Variants in ARFIP1 observed in about 807,000 individuals in gnomAD.
ARFIP1 encodes the protein ARF interacting protein 1.
In ARFIP1, 24 loss-of-function variants were observed where a neutral mutation model predicts 42.5. The observed-to-expected ratio is 0.57, with a 90% CI of 0.41 to 0.80. ARFIP1 has a LOEUF of 0.80. Ranked by LOEUF, ARFIP1 falls within the 30% of genes least tolerant of loss-of-function variation. The pLI is 0.00. For synonymous variants in ARFIP1, 141 were observed against 153.7 expected (o/e 0.92, Z 0.61); for missense variants, 354 against 434.0 (o/e 0.82, Z 1.64).
At chr4:152,907,333 CATA>C (rs1296000668) in intron 8 of ARFIP1, among the ~76,000 whole-genome samples, 2 of 140,416 alleles carry the variant, frequency 1.4e-5, no homozygotes, top group Non-Finnish European at 3.0e-5. Flanking sequence ...CTTCAGCTCT[CATA>C]ATCTTTTTCT....
intron 2 of ARFIP1, among the ~76,000 whole-genome samples, chr4:152,853,357 C>G (rs763758879): frequency 3.3e-5 from 5 of 152,164 alleles, no homozygotes; most frequent in Non-Finnish European, 7.3e-5. Flanking sequence ...TAGTGCCTGT[C>G]TACTGGTGAT....
rs773854970 is a variant in ARFIP1 at position 152,872,484 on chromosome 4, G to A, written c.331G>A (p.Val111Ile). 4 of 1,611,636 alleles carry A rather than the reference G, an allele frequency of 2.5e-6. No homozygotes were observed. The highest frequency in any genetic ancestry group is 3.4e-6 in the Non-Finnish European group (4 of 1,178,960). Residue 111 changes from valine (V) to isoleucine (I), a missense_variant, in exon 5 of 9, where the codon GTT becomes ATT. Physicochemically the swap from Val to Ile is conservative, Grantham distance 29. Coordinates refer to ENST00000353617, the MANE Select transcript of ARFIP1 (RefSeq NM_001025595.3). ...GQRTQTKSGP[V>I]ILADEIKNPA... ...GAGAACACAGACAAAAAGTGGACCA[G>A]TTATTCTAGCAGATGAAATTAAAAA...
intron 3 of ARFIP1, among the ~76,000 whole-genome samples, chr4:152,867,634 G>T (rs952408278): frequency 2.0e-5 from 3 of 152,078 alleles, no homozygotes; most frequent in Non-Finnish European, 4.4e-5. Flanking sequence ...TCCCCTTAAA[G>T]TTATTGTATA....
Position 152,781,367 on chromosome 4 carries a change from C to T in ARFIP1, c.-10+1141C>T, listed in dbSNP as rs1051155910. 4.6e-5 allele frequency among the ~76,000 whole-genome samples: 7 copies of T among 151,444 alleles called. No homozygotes were observed. In the South Asian group the frequency reaches 1.5e-3, roughly 32 times the overall value. On this transcript the variant is annotated intron_variant, in intron 1 of 8. Transcript: ENST00000353617. ...TCTCCTGTCTCAGCCTTCTGAGTAG[C>T]TGGGTTTACAGGTAGGCGCCACTAC...
chr4:152,887,423 CAT>C (rs1736355072), intron 7 of ARFIP1, among the ~76,000 whole-genome samples: 2 of 151,940 alleles, frequency 1.3e-5, no homozygotes, highest in Admixed American at 6.6e-5. Flanking sequence ...AGTAGCCACA[CAT>C]GTCTGGTGAG....
chr4:152,882,820 C>G lies in ARFIP1; in HGVS notation c.731C>G (p.Thr244Ser). 2.5e-6 allele frequency: 4 copies of G among 1,611,636 alleles called. No homozygotes were observed. The highest frequency in any genetic ancestry group is 3.4e-6 in the Non-Finnish European group (4 of 1,179,042). ...AINFFIASVN[T>S]LVNKTIEDTL... is the part of the protein sequence containing the mutation. ...AATTTTTTCATTGCTAGTGTGAACACTTTGGTGAATAAAACCATTGAAGAT... is the reference window on the plus strand; with the variant it reads ...AATTTTTTCATTGCTAGTGTGAACAGTTTGGTGAATAAAACCATTGAAGAT... The change falls in exon 7 of 9, where the codon ACT (threonine) becomes AGT (serine). Residue 244 changes from threonine (T) to serine (S), a missense_variant. Physicochemically the swap from Thr to Ser is moderately conservative, Grantham distance 58 (BLOSUM62 1). Coordinates refer to ENST00000353617, the MANE Select transcript of ARFIP1 (RefSeq NM_001025595.3).
At chr4:152,785,873 GTCAGTA>G (rs1284909570) in intron 1 of ARFIP1, among the ~76,000 whole-genome samples, 2 of 152,220 alleles carry the variant, frequency 1.3e-5, no homozygotes, top group African/African-American at 4.8e-5. Flanking sequence ...ACATTTCAGT[GTCAGTA>G]TCATATGTGG....
At chr4:152,829,338 A>T (rs185777091) in intron 1 of ARFIP1, among the ~76,000 whole-genome samples, 2 of 152,110 alleles carry the variant, frequency 1.3e-5, no homozygotes, top group Non-Finnish European at 2.9e-5. Context: ...TTTTTTTCCA[A>T]TTGTAAGTGG....
intron 2 of ARFIP1, among the ~76,000 whole-genome samples, chr4:152,840,713 CTTT>C (rs764318893): frequency 3.2e-3 from 350 of 107,770 alleles, no homozygotes; most frequent in Non-Finnish European, 5.2e-3. Flanking sequence ...GGCTCTGTAT[CTTT>C]TTTTTTTTTT....
At chr4:152,883,744 A>C (rs1473637951) in intron 7 of ARFIP1, among the ~76,000 whole-genome samples, 1 of 151,482 alleles carries the variant, frequency 6.6e-6, no homozygotes, top group Non-Finnish European at 1.5e-5. Context: ...GCAGACCTAT[A>C]ATAGCCTTTT....
intron 8 of ARFIP1, among the ~76,000 whole-genome samples, chr4:152,889,642 GCAC>G (rs1300584016): frequency 2.5e-5 from 3 of 120,510 alleles, no homozygotes; most frequent in East Asian, 2.3e-4. Context: ...GTATATATAT[GCAC>G]TATATATAGT....
intron 1 of ARFIP1, among the ~76,000 whole-genome samples, chr4:152,790,260 G>A (rs933851595): frequency 6.6e-6 from 1 of 152,116 alleles, no homozygotes; most frequent in Non-Finnish European, 1.5e-5. Context: ...ATTATCCATT[G>A]CTAAGGGACA....
At chr4:152,850,973 TAAAC>T (rs758508230) in intron 2 of ARFIP1, among the ~76,000 whole-genome samples, 12 of 152,338 alleles carry the variant, frequency 7.9e-5, no homozygotes, top group Non-Finnish European at 1.5e-4. Context: ...AGCTAACTGT[TAAAC>T]TAACAAAGGA....
At chr4:152,780,992 C>A (rs1730453556) in intron 1 of ARFIP1, among the ~76,000 whole-genome samples, 1 of 152,104 alleles carries the variant, frequency 6.6e-6, no homozygotes. Context: ...GGATTTCTGT[C>A]CCCCGCCCCT....
intron 1 of ARFIP1, among the ~76,000 whole-genome samples, chr4:152,786,191 T>C (rs1578794117): frequency 1.3e-5 from 2 of 152,334 alleles, no homozygotes; most frequent in East Asian, 3.9e-4. Flanking sequence ...AGGATAAAGA[T>C]GTCAGCTTCA....
intron 8 of ARFIP1, among the ~76,000 whole-genome samples, chr4:152,908,437 C>G (rs1452670687): frequency 6.6e-6 from 1 of 152,056 alleles, no homozygotes; most frequent in Non-Finnish European, 1.5e-5. Flanking sequence ...TGGTGAAACC[C>G]CGTCTCTACT....
chr4:152,869,571 T>G (rs574925613), intron 3 of ARFIP1, among the ~76,000 whole-genome samples: 91 of 151,792 alleles, frequency 6.0e-4, no homozygotes, highest in African/African-American at 2.1e-3. Context: ...TACCTCAACC[T>G]CTGAGTAGCT....
chr4:152,883,543 T>G (rs1736019304), intron 7 of ARFIP1, among the ~76,000 whole-genome samples: 1 of 152,048 alleles, frequency 6.6e-6, no homozygotes, highest in Admixed American at 6.6e-5. Context: ...ATTAAATATT[T>G]GACTTGTATT....
At chr4:152,796,851 C>A in intron 1 of ARFIP1, 1 of 524,114 alleles carries the variant, frequency 1.9e-6, no homozygotes, top group Middle Eastern at 5.2e-4. Context: ...GGCTGCAGAG[C>A]ACCCAGAAGC....
Sources: gnomAD v4.1 joint callset for allele counts (sites outside exome capture counted in the v4.1 genomes callset) on GRCh38, gnomAD v4.1.1 for gene constraint, MANE v1.5 for transcripts, NCBI Gene and HGNC (gene_info 2026-07-23, HGNC 2026-07-21) for gene names.